The following YEATS2 variants were observed in gnomAD, a reference collection of about 807,000 sequenced individuals.
YEATS2 encodes the protein YEATS domain containing 2, also known as YEATS domain-containing protein 2.
YEATS2 carries 77 observed loss-of-function variants against 163.2 expected under a neutral mutation model. The ratio of observed to expected loss-of-function variants is 0.47; its 90% confidence interval spans 0.39 to 0.57. YEATS2 has a LOEUF of 0.57. Among genes scored for constraint, YEATS2 ranks in the 20% least tolerant of loss-of-function variants. YEATS2 has a pLI of 0.00. For synonymous variants in YEATS2, 631 were observed against 645.1 expected (o/e 0.98, Z 0.33); for missense variants, 1,549 against 1,729.8 (o/e 0.90, Z 1.85).
intron 20 of YEATS2, among the ~76,000 whole-genome samples, chr3:183,786,901 T>C (rs1257732742): frequency 6.6e-6 from 1 of 152,146 alleles, no homozygotes; most frequent in African/African-American, 2.4e-5. Flanking sequence ...TATAAACACG[T>C]TTTTATTTCT....
At chr3:183,722,489 C>T (rs1229714869) in intron 5 of YEATS2, among the ~76,000 whole-genome samples, 1 of 151,926 alleles carries the variant, frequency 6.6e-6, no homozygotes, top group African/African-American at 2.4e-5. Context: ...CGGGATTTCA[C>T]CGTGTTAGCC....
intron 19 of YEATS2, 88 bp downstream of exon 19, chr3:183,777,788 G>T (rs890206999): frequency 6.8e-7 from 1 of 1,468,604 alleles, no homozygotes; most frequent in Non-Finnish European, 9.1e-7. Context: ...TTTTCACAAA[G>T]AAATTAAGGT....
At chr3:183,736,169 A>G (rs1169763805) in intron 7 of YEATS2, among the ~76,000 whole-genome samples, 2 of 152,104 alleles carry the variant, frequency 1.3e-5, no homozygotes, top group Non-Finnish European at 2.9e-5. Context: ...GTTAGCATGC[A>G]CACACATTCC....
intron 19 of YEATS2, among the ~76,000 whole-genome samples, chr3:183,780,071 G>A (rs1723421587): frequency 6.8e-6 from 1 of 146,206 alleles, no homozygotes; most frequent in Non-Finnish European, 1.5e-5. Flanking sequence ...TTAAATTGCT[G>A]TGGTTTCAGA....
chr3:183,752,005 G>T, intron 9 of YEATS2, 68 bp from the exon 10 acceptor site: 1 of 1,552,216 alleles, frequency 6.4e-7, no homozygotes, highest in Non-Finnish European at 8.8e-7. Flanking sequence ...TACATTCTTG[G>T]ACGGGACTTG....
At chr3:183,750,643 A>G (rs932477599) in intron 9 of YEATS2, among the ~76,000 whole-genome samples, 8 of 152,202 alleles carry the variant, frequency 5.3e-5, no homozygotes, top group Admixed American at 5.2e-4. Flanking sequence ...GTGATGTGAT[A>G]TCTTGTGGTT....
chr3:183,769,249 C>T (rs1355773421), intron 15 of YEATS2, among the ~76,000 whole-genome samples: 1 of 145,398 alleles, frequency 6.9e-6, no homozygotes, highest in Admixed American at 7.1e-5. Flanking sequence ...AAGTAGCAGG[C>T]GGATCCCCAT....
chr3:183,783,194 C>G (rs1723743990), intron 19 of YEATS2, among the ~76,000 whole-genome samples: 1 of 152,208 alleles, frequency 6.6e-6, no homozygotes, highest in Admixed American at 6.5e-5. Context: ...AAAACCTACT[C>G]TATACAGTTA....
In YEATS2 at chr3:183,773,600, T is replaced by C. The variant is rs561913864; in HGVS notation, c.2207-33T>C. On this transcript the variant is annotated intron_variant, in intron 16 of 30. Coordinates refer to ENST00000305135, the MANE Select transcript of YEATS2 (RefSeq NM_018023.5). ...TAGAGTGTTGCCCTTAGTTTCAATT[T>C]ATCTTACAATTTTTTCTCCTTTACC... 32 of 1,557,432 alleles carry C rather than the reference T, an allele frequency of 2.1e-5. No individual in the cohort carries two copies. The South Asian group carries it at 3.7e-4, about 18-fold the overall frequency.
At chr3:183,758,655 C>G (rs1026587732) in intron 12 of YEATS2, among the ~76,000 whole-genome samples, 1 of 151,900 alleles carries the variant, frequency 6.6e-6, no homozygotes, top group Non-Finnish European at 1.5e-5. Context: ...AGCTTCTTAC[C>G]TTCTTCAGGT....
At chr3:183,715,340 A>G in intron 2 of YEATS2, 78 bp downstream of exon 2, 1 of 1,061,826 alleles carries the variant, frequency 9.4e-7, no homozygotes, top group African/African-American at 1.7e-5. Flanking sequence ...CTAGAATGAA[A>G]TGAATTTCCA....
rs980684068 is a variant in YEATS2, at chr3:183,802,705, A to C, written c.3503-551A>C. On this transcript the variant is annotated intron_variant, in intron 25 of 30. Coordinates refer to ENST00000305135, the MANE Select transcript of YEATS2 (RefSeq NM_018023.5). Reference sequence around the variant, plus strand: ...AGCACTTTGGGAGGTTGAGGCAGGCAGATCACCTGAGGTCAGGACTTTGAG... The same window carrying C: ...AGCACTTTGGGAGGTTGAGGCAGGCCGATCACCTGAGGTCAGGACTTTGAG... 2.0e-5 allele frequency: 3 copies of C among 152,286 alleles called. No homozygotes were observed. The East Asian group carries it at 5.8e-4, about 30-fold the overall frequency. The allele number at this position is 152,286 out of a possible 1,614,324, so 9.4% of individuals were successfully genotyped here.
At chr3:183,789,756 G>T (rs1376213417) in intron 20 of YEATS2, among the ~76,000 whole-genome samples, 1 of 151,300 alleles carries the variant, frequency 6.6e-6, no homozygotes, top group Non-Finnish European at 1.5e-5. Flanking sequence ...AGCCAGGAGG[G>T]TCTTGCTCTC....
intron 13 of YEATS2, 136 bp downstream of exon 13, chr3:183,759,101 C>G (rs1721077910): frequency 1.7e-6 from 1 of 589,520 alleles, no homozygotes; most frequent in Admixed American, 4.0e-5. Flanking sequence ...AGAGATCTGC[C>G]ACCTCACCTG....
intron 8 of YEATS2, among the ~76,000 whole-genome samples, chr3:183,744,990 A>G (rs1157405902): frequency 6.6e-6 from 1 of 152,156 alleles, no homozygotes; most frequent in African/African-American, 2.4e-5. Flanking sequence ...AGCTGGGACT[A>G]CAGGTGCACG....
intron 10 of YEATS2, among the ~76,000 whole-genome samples, chr3:183,753,232 A>G (rs958257964): frequency 1.3e-5 from 2 of 152,340 alleles, no homozygotes; most frequent in East Asian, 1.9e-4. Flanking sequence ...TTCATCACCA[A>G]CAATGTATTT....
intron 15 of YEATS2, among the ~76,000 whole-genome samples, chr3:183,770,910 G>T (rs1192673080): frequency 1.3e-5 from 2 of 152,082 alleles, no homozygotes; most frequent in African/African-American, 4.8e-5. Context: ...TCCTCTATCT[G>T]TAGACGTTAA....
At chr3:183,762,075 G>T (rs748954665) in intron 14 of YEATS2, 22 bp from the exon 15 acceptor site, 8 of 1,613,978 alleles carry the variant, frequency 5.0e-6, no homozygotes, top group East Asian at 2.2e-5. Flanking sequence ...TGTTTATTCA[G>T]TGTCATTATG....
At chr3:183,724,564 C>T (rs372682360) in intron 6 of YEATS2, 33 bp downstream of exon 6, 44 of 1,501,946 alleles carry the variant, frequency 2.9e-5, no homozygotes, top group Non-Finnish European at 3.8e-5. Context: ...TTTTATTTGT[C>T]CATTTGTGTT....
Sources: gnomAD v4.1 joint callset for allele counts (sites outside exome capture counted in the v4.1 genomes callset) on GRCh38, gnomAD v4.1.1 for gene constraint, MANE v1.5 for transcripts, NCBI Gene and HGNC (gene_info 2026-07-23, HGNC 2026-07-21) for gene names.